Variants in KIF14 observed in about 807,000 individuals in gnomAD.
KIF14 encodes the protein kinesin-like protein KIF14.
KIF14 carries 98 observed loss-of-function variants against 176.2 expected under a neutral mutation model. The observed-to-expected ratio is 0.56, with a 90% confidence interval of 0.47 to 0.66. The LOEUF is 0.66. KIF14 is among the 30% of genes least tolerant of loss of function. KIF14 has a pLI of 0.00. For missense variants in KIF14, 1,751 were observed against 1,920.4 expected, an observed-to-expected ratio of 0.91 and a Z score of 1.65; for synonymous variants, 566 against 632.2, an observed-to-expected ratio of 0.90 and a Z score of 1.57.
At chr1:200,609,229 TAAG>T (rs961385905) in intron 4 of KIF14, among the ~76,000 whole-genome samples, 25 of 152,006 alleles carry the variant, frequency 1.6e-4, no homozygotes, top group African/African-American at 5.6e-4. Flanking sequence ...GCAGTAATAA[TAAG>T]AAGTGAAAAC....
At chr1:200,582,367 T>C (rs1165367557) in intron 19 of KIF14, among the ~76,000 whole-genome samples, 1 of 142,812 alleles carries the variant, frequency 7.0e-6, no homozygotes, top group East Asian at 1.9e-4. Flanking sequence ...AGCAAGACTT[T>C]GTCTCAAAAA....
chr1:200,618,342 C>T lies in KIF14; in HGVS notation c.382G>A (p.Asp128Asn), dbSNP rs1660516222. 1 of 1,613,954 alleles carries T rather than the reference C, an allele frequency of 6.2e-7. No homozygotes were observed. The highest frequency in any genetic ancestry group is 1.3e-5 in the African/African-American group (1 of 74,946). ...GCTGTTTTCCACTTTTCTGCAGAAT[C>T]TGTTTTAGCACGACGTTGTAATGTA... ...RLTLQRRAKT[D>N]SAEKWKTAEI... Residue 128 changes from aspartate (D) to asparagine (N), a missense_variant, in exon 2 of 30, where the codon GAT (aspartate) becomes AAT (asparagine). By Grantham distance (23) the Asp-to-Asn change is conservative. Coordinates refer to ENST00000367350, the MANE Select transcript of KIF14 (RefSeq NM_014875.3).
At chr1:200,598,444 ATTAATC>A (rs1197703537) in intron 13 of KIF14, 23 bp from the exon 14 acceptor site, 3 of 1,575,056 alleles carry the variant, frequency 1.9e-6, no homozygotes, top group East Asian at 2.2e-5. Context: ...AGAAAAAGAA[ATTAATC>A]TTAATCACAG....
intron 9 of KIF14, 59 bp downstream of exon 9, chr1:200,603,780 C>A: frequency 9.3e-7 from 1 of 1,078,482 alleles, no homozygotes; most frequent in South Asian, 1.3e-5. Context: ...TTGTATTCTC[C>A]TTAAAATAAT....
At chr1:200,570,654 G>GAC (rs1657732610) in intron 22 of KIF14, among the ~76,000 whole-genome samples, 2 of 152,168 alleles carry the variant, frequency 1.3e-5, no homozygotes, top group African/African-American at 4.8e-5. Context: ...GGTGGTCTTT[G>GAC]CATGTCAATA....
At chr1:200,568,786 T>C (rs1657608186) in intron 23 of KIF14, among the ~76,000 whole-genome samples, 1 of 152,224 alleles carries the variant, frequency 6.6e-6, no homozygotes, top group Non-Finnish European at 1.5e-5. Flanking sequence ...AAAGGAATCA[T>C]GTAGTATATA....
chr1:200,593,563 C>T, intron 15 of KIF14, 104 bp downstream of exon 15: 1 of 774,344 alleles, frequency 1.3e-6, no homozygotes. Flanking sequence ...AGTCCTTAAT[C>T]TGCTTCAACA....
At chr1:200,597,671 AC>A in intron 14 of KIF14, among the ~76,000 whole-genome samples, 2 of 152,348 alleles carry the variant, frequency 1.3e-5, no homozygotes, top group East Asian at 3.9e-4. Context: ...ATATTCTACA[AC>A]CTAGTATCTC....
Position 200,605,891 on chromosome 1 carries a change from G to A in KIF14, c.1611C>T (p.Asn537=), listed in dbSNP as rs1659856831. 2 of 1,526,954 alleles carry A rather than the reference G, an allele frequency of 1.3e-6. No homozygotes were observed. The highest frequency in any genetic ancestry group is 1.4e-5 in the African/African-American group (1 of 70,430). 94.6% of individuals were successfully genotyped at this position (1,526,954 alleles called of 1,614,324 possible). ...GGATATCAGCGTAAGAACTGACAAT[G>A]TTCCTATTTTTAAGAAGTGAAAAGA... ...YGPYVEALSM[N]IVSSYADIQS... Residue 537 remains asparagine, a synonymous_variant, in exon 7 of 30, where the codon AAC becomes AAT. Coordinates refer to ENST00000367350, the MANE Select transcript of KIF14 (RefSeq NM_014875.3).
intron 9 of KIF14, 60 bp from the exon 10 acceptor site, chr1:200,603,401 C>G: frequency 1.2e-6 from 1 of 800,310 alleles, no homozygotes; most frequent in Non-Finnish European, 2.1e-6. Flanking sequence ...AAATTTATTT[C>G]ACAAAATATA....
In KIF14 at chr1:200,603,972, T is replaced by C. The variant is rs1323214280; in HGVS notation, c.1747-17A>G. 1 of 1,452,250 alleles carries C rather than the reference T, an allele frequency of 6.9e-7. No individual in the cohort carries two copies. Among genetic ancestry groups the C allele is most frequent in the African/African-American group, 1.4e-5 (1 of 71,844 alleles). The allele number at this position is 1,452,250 out of a possible 1,614,324, so 90.0% of individuals were successfully genotyped here. ...AAATTCTGTCTACAGCAAAATGATA[T>C]TAAATTAAATTAAGTTCTATTACTT... On this transcript the variant is annotated splice_polypyrimidine_tract_variant and intron_variant, in intron 8 of 29. Transcript: ENST00000367350.
In KIF14 at chr1:200,569,954, T is replaced by C. The variant is rs748099331; in HGVS notation, c.3618A>G (p.Ile1206Met). The change falls in exon 23 of 30, where the codon ATA becomes ATG. Residue 1206 changes from isoleucine (I) to methionine (M), a missense_variant. Physicochemically the swap from Ile to Met is conservative, Grantham distance 10 (BLOSUM62 1). Coordinates refer to ENST00000367350, the MANE Select transcript of KIF14 (RefSeq NM_014875.3). Reference sequence around the variant, plus strand: ...GCAAATTCTTAATTGGATGGACTTGTATGTCATGTAAACAACCAGAAATTC... The same window carrying C: ...GCAAATTCTTAATTGGATGGACTTGCATGTCATGTAAACAACCAGAAATTC... ...NRRISGCLHDIQVHPIKNLHS... is the reference protein window; with the variant it reads ...NRRISGCLHDMQVHPIKNLHS... The C allele has an allele frequency of 2.5e-6, 4 of 1,605,246 alleles. No homozygotes were observed. Among genetic ancestry groups the C allele is most frequent in the East Asian group, 2.2e-5 (1 of 44,770 alleles).
intron 19 of KIF14, among the ~76,000 whole-genome samples, chr1:200,583,089 A>G (rs2102660867): frequency 6.6e-6 from 1 of 152,238 alleles, no homozygotes; most frequent in East Asian, 1.9e-4. Flanking sequence ...TACAGGACAA[A>G]TCATCTGATT....
At position 200,618,825 on chromosome 1, in the gene KIF14, A is replaced by C; in HGVS notation, c.-102T>G. The C allele has an allele frequency of 4.2e-6, 4 of 949,836 alleles. No individual in the cohort carries two copies. The highest frequency in any genetic ancestry group is 6.2e-6 in the Non-Finnish European group (4 of 641,638). 58.8% of individuals were successfully genotyped at this position (949,836 alleles called of 1,614,324 possible). A position where few individuals can be genotyped will look rare whatever the true frequency, so the allele number is the denominator to read the frequency against. ...CCATTTCTTATGTATCCATTTCTGA[A>C]AGTATCTGCTAAACTAAAAGAAAAA... is the stretch of plus-strand genomic sequence containing the variant. On this transcript the variant is annotated 5_prime_UTR_variant, in exon 2 of 30. Transcript: ENST00000367350.
chr1:200,608,128 G>A (rs1304973483), intron 5 of KIF14, among the ~76,000 whole-genome samples: 1 of 151,878 alleles, frequency 6.6e-6, no homozygotes, highest in Non-Finnish European at 1.5e-5. Context: ...TATCTACAAG[G>A]TATGAATTTG....
chr1:200,612,891 T>C (rs945475477), intron 4 of KIF14, among the ~76,000 whole-genome samples: 8 of 141,168 alleles, frequency 5.7e-5, no homozygotes, highest in Non-Finnish European at 1.2e-4. Flanking sequence ...CTTTTTTTTT[T>C]TTTTTTTTTT....
chr1:200,568,238 T>A (rs1413744291), intron 23 of KIF14, among the ~76,000 whole-genome samples: 4 of 152,180 alleles, frequency 2.6e-5, no homozygotes, highest in African/African-American at 9.7e-5. Flanking sequence ...GCAAAGACCT[T>A]TTCTATCTCT....
At chr1:200,587,119 A>C (rs1485836405) in intron 18 of KIF14, among the ~76,000 whole-genome samples, 1 of 152,068 alleles carries the variant, frequency 6.6e-6, no homozygotes, top group African/African-American at 2.4e-5. Flanking sequence ...CAGATATTAG[A>C]TTCTCATAAG....
At chr1:200,557,871 C>A (rs930080903) in intron 27 of KIF14, among the ~76,000 whole-genome samples, 6 of 152,164 alleles carry the variant, frequency 3.9e-5, no homozygotes, top group Non-Finnish European at 7.3e-5. Context: ...ATCCTAGTAG[C>A]TAAGATCTCA....
Sources: gnomAD v4.1 joint callset for allele counts (sites outside exome capture counted in the v4.1 genomes callset) on GRCh38, gnomAD v4.1.1 for gene constraint, MANE v1.5 for transcripts, NCBI Gene and HGNC (gene_info 2026-07-23, HGNC 2026-07-21) for gene names.